XYLB: variants seen among roughly 807,000 people sequenced by gnomAD.
XYLB encodes the protein xylulokinase.
XYLB carries 62 observed loss-of-function variants against 78.7 expected under a neutral mutation model. That is an observed-to-expected ratio of 0.79 (90% CI 0.64 to 0.97). The LOEUF (loss-of-function observed/expected upper bound fraction) is 0.97, where lower values mean the gene tolerates loss of function less well. Among genes scored for constraint, XYLB ranks in the 50% least tolerant of loss-of-function variants. The pLI is 0.00. For synonymous variants in XYLB, 245 were observed against 247.4 expected, an observed-to-expected ratio of 0.99 and a Z score of 0.09; for missense variants, 687 against 676.8, an observed-to-expected ratio of 1.02 and a Z score of -0.17.
the XYLB span, among the ~76,000 whole-genome samples, chr3:38,428,665 T>A: frequency 6.6e-6 from 1 of 152,248 alleles, no homozygotes; most frequent in East Asian, 1.9e-4. Context: ...GCATGTTATA[T>A]GTTTCTTTAA....
intron 15 of XYLB, 35 bp downstream of exon 15, chr3:38,379,377 G>C (rs772878968): frequency 1.2e-6 from 2 of 1,605,964 alleles, no homozygotes; most frequent in Non-Finnish European, 1.7e-6. Flanking sequence ...GTCCCGGGGT[G>C]GGGGCTCAGG....
chr3:38,426,339 T>C (rs1709099342), downstream of XYLB, among the ~76,000 whole-genome samples: 1 of 152,232 alleles, frequency 6.6e-6, no homozygotes, highest in Admixed American at 6.5e-5. Flanking sequence ...ATACTTCTGA[T>C]TTTTGCATTA....
chr3:38,375,276 G>C lies in XYLB; in HGVS notation c.1004+17G>C, dbSNP rs773242292. Reference sequence around the variant, plus strand: ...ACTCCTGTGGTGAGCTTGGGTGTTGGTTGGCACCATTCCCTGGGTGAGGAG... The same window carrying C: ...ACTCCTGTGGTGAGCTTGGGTGTTGCTTGGCACCATTCCCTGGGTGAGGAG... On this transcript the variant is annotated intron_variant, in intron 12 of 18. Coordinates refer to ENST00000207870, the MANE Select transcript of XYLB (RefSeq NM_005108.4). 1 of 1,610,358 alleles carries C rather than the reference G, an allele frequency of 6.2e-7. No homozygotes were observed. Among genetic ancestry groups the C allele is most frequent in the South Asian group, 1.1e-5 (1 of 90,956 alleles).
At chr3:38,405,561 C>T (rs1575536206) in intron 18 of XYLB, among the ~76,000 whole-genome samples, 1 of 152,280 alleles carries the variant, frequency 6.6e-6, no homozygotes, top group East Asian at 1.9e-4. Flanking sequence ...GCACCGTGCG[C>T]AAGCCGAAGC....
At chr3:38,392,620 T>C (rs1251133860) in intron 15 of XYLB, among the ~76,000 whole-genome samples, 1 of 152,146 alleles carries the variant, frequency 6.6e-6, no homozygotes, top group African/African-American at 2.4e-5. Context: ...TTTGAACAGC[T>C]CTTTGTAACT....
intron 3 of XYLB, among the ~76,000 whole-genome samples, chr3:38,360,758 G>C (rs557080294): frequency 6.0e-4 from 92 of 152,356 alleles, no homozygotes; most frequent in African/African-American, 2.2e-3. Context: ...CATAGACTGG[G>C]CATGGTGGCT....
chr3:38,372,326 G>C, intron 9 of XYLB: 1 of 935,644 alleles, frequency 1.1e-6, no homozygotes, highest in Non-Finnish European at 1.3e-6. Context: ...TTTTTTTAAT[G>C]CTATATCCAG....
chr3:38,368,087 C>A, intron 7 of XYLB, 98 bp from the exon 8 acceptor site: 1 of 1,190,168 alleles, frequency 8.4e-7, no homozygotes. Flanking sequence ...TTCCACTTCC[C>A]TCTCCAATTT....
chr3:38,441,172 T>C, the XYLB span, among the ~76,000 whole-genome samples: 4 of 152,166 alleles, frequency 2.6e-5, no homozygotes, highest in Non-Finnish European at 4.4e-5. Context: ...TTAATGGGGG[T>C]TCCCCCAGAG....
At chr3:38,351,505 G>T (rs1322569509) in intron 2 of XYLB, among the ~76,000 whole-genome samples, 1 of 152,030 alleles carries the variant, frequency 6.6e-6, no homozygotes, top group Non-Finnish European at 1.5e-5. Flanking sequence ...TGCATTGTGG[G>T]TTTTCTTTTT....
chr3:38,358,674 G>A (rs1705810296), intron 2 of XYLB, among the ~76,000 whole-genome samples: 1 of 152,118 alleles, frequency 6.6e-6, no homozygotes, highest in African/African-American at 2.4e-5. Context: ...TTAAATACAT[G>A]GCAGAATGTC....
chr3:38,410,950 A>C (rs1457390505), intron 18 of XYLB, among the ~76,000 whole-genome samples: 1 of 152,176 alleles, frequency 6.6e-6, no homozygotes, highest in East Asian at 1.9e-4. Flanking sequence ...AAACTAGTTC[A>C]ACCATTGTGG....
intron 18 of XYLB, among the ~76,000 whole-genome samples, chr3:38,403,184 C>T (rs912517619): frequency 2.6e-5 from 4 of 151,522 alleles, no homozygotes; most frequent in Middle Eastern, 3.4e-3. Flanking sequence ...ATCCCAGCTA[C>T]TCGGGAGGCT....
the XYLB span, among the ~76,000 whole-genome samples, chr3:38,444,775 G>A: frequency 2.0e-5 from 3 of 152,276 alleles, no homozygotes; most frequent in East Asian, 5.8e-4. Context: ...AACCGCCCAT[G>A]GTTTTGGTTT....
the XYLB span, among the ~76,000 whole-genome samples, chr3:38,429,152 T>G: frequency 6.6e-6 from 1 of 152,030 alleles, no homozygotes; most frequent in Non-Finnish European, 1.5e-5. Flanking sequence ...TTCTGAAGAG[T>G]CATTCTAGTT....
At chr3:38,385,467 A>G (rs1707343096) in intron 15 of XYLB, among the ~76,000 whole-genome samples, 1 of 152,022 alleles carries the variant, frequency 6.6e-6, no homozygotes, top group East Asian at 1.9e-4. Context: ...CTTCTACTTT[A>G]TGAATTTTTT....
At chr3:38,363,452 A>ATGCGCTTAGTGCATGCG (rs60112977) in intron 4 of XYLB, among the ~76,000 whole-genome samples, 1 of 151,990 alleles carries the variant, frequency 6.6e-6, no homozygotes, top group Non-Finnish European at 1.5e-5. Context: ...TTGACTGAGC[A>ATGCGCTTAGTGCATGCG]CTTAGTGCAT....
the XYLB span, among the ~76,000 whole-genome samples, chr3:38,446,910 T>G: frequency 6.6e-6 from 1 of 152,020 alleles, no homozygotes; most frequent in African/African-American, 2.4e-5. Context: ...AACACAAAAA[T>G]AGACAAATGG....
chr3:38,408,549 G>A (rs987505437), intron 18 of XYLB, among the ~76,000 whole-genome samples: 1 of 151,592 alleles, frequency 6.6e-6, no homozygotes, highest in Non-Finnish European at 1.5e-5. Flanking sequence ...AAGAACTGAA[G>A]GAAATACAGA....
Sources: allele counts gnomAD v4.1 joint callset (sites outside exome capture counted in the v4.1 genomes callset), GRCh38; gene constraint gnomAD v4.1.1; transcripts MANE v1.5; gene names NCBI Gene and HGNC (gene_info 2026-07-23, HGNC 2026-07-21).